Variants in KIF26A observed in about 807,000 individuals in gnomAD.
KIF26A encodes the protein kinesin family member 26A.
In KIF26A, 74 loss-of-function variants were observed where a neutral mutation model predicts 126.0. That is an observed-to-expected ratio of 0.59 (90% CI 0.49 to 0.71). KIF26A has a LOEUF of 0.71. KIF26A is among the 30% of genes least tolerant of loss of function. The pLI is 0.00. For missense variants in KIF26A, 2,984 were observed against 2,763.3 expected (o/e 1.08, Z -1.79); for synonymous variants, 1,445 against 1,232.7 (o/e 1.17, Z -3.61).
chr14:104,139,414 GC>G, intron 2 of KIF26A, 126 bp downstream of exon 2: 1 of 1,202,002 alleles, frequency 8.3e-7, no homozygotes, highest in Non-Finnish European at 1.1e-6. Flanking sequence ...AGAGTTATCA[GC>G]CAGGACTTCC....
intron 2 of KIF26A, among the ~76,000 whole-genome samples, chr14:104,145,547 C>T (rs949671929): frequency 6.6e-6 from 1 of 152,232 alleles, no homozygotes; most frequent in Non-Finnish European, 1.5e-5. Flanking sequence ...GTCGTGCTTG[C>T]GTCCCTCCTG....
intron 3 of KIF26A, among the ~76,000 whole-genome samples, chr14:104,156,140 A>G (rs2037775081): frequency 6.6e-6 from 1 of 152,100 alleles, no homozygotes; most frequent in Non-Finnish European, 1.5e-5. Flanking sequence ...GCTCAACCAG[A>G]CCCGGCTCTG....
intron 4 of KIF26A, among the ~76,000 whole-genome samples, chr14:104,161,514 T>G (rs748649503): frequency 9.9e-5 from 15 of 152,238 alleles, no homozygotes; most frequent in Non-Finnish European, 1.9e-4. Context: ...AAGGAAAATA[T>G]TTCCTTTTCT....
chr14:104,157,055 C>T (rs942537208), intron 3 of KIF26A, among the ~76,000 whole-genome samples: 13 of 152,090 alleles, frequency 8.5e-5, no homozygotes, highest in African/African-American at 2.7e-4. Flanking sequence ...GGGGTTGCAT[C>T]CCCCCACGCC....
intron 5 of KIF26A, among the ~76,000 whole-genome samples, chr14:104,170,125 C>G (rs2037943193): frequency 6.6e-6 from 1 of 152,218 alleles, no homozygotes; most frequent in Non-Finnish European, 1.5e-5. Flanking sequence ...GTGAGCCTCT[C>G]CACGCCACTC....
chr14:104,168,238 G>A (rs2037925109), intron 5 of KIF26A, among the ~76,000 whole-genome samples: 1 of 152,222 alleles, frequency 6.6e-6, no homozygotes, highest in Admixed American at 6.5e-5. Context: ...GGGAAGGGCT[G>A]TAAGTGACTG....
At chr14:104,144,906 C>T (rs564382667) in intron 2 of KIF26A, among the ~76,000 whole-genome samples, 84 of 152,310 alleles carry the variant, frequency 5.5e-4, no homozygotes, top group African/African-American at 7.9e-4. Flanking sequence ...TCCATGGAAG[C>T]GGAGCTTGTG....
intron 2 of KIF26A, among the ~76,000 whole-genome samples, chr14:104,150,838 C>T (rs749875631): frequency 6.6e-5 from 10 of 152,152 alleles, no homozygotes; most frequent in Middle Eastern, 3.2e-3. Context: ...GGGTGGTGTT[C>T]GGAAAGCCCT....
Position 104,175,736 on chromosome 14 carries a change from G to A in KIF26A, c.2948G>A (p.Gly983Asp). Residue 983 changes from glycine to aspartate, a missense_variant, in exon 12 of 15, where the codon GGC (glycine) becomes GAC (aspartate). Coordinates refer to ENST00000423312, the MANE Select transcript of KIF26A (RefSeq NM_015656.2). The stretch of plus-strand genomic sequence containing the variant: ...GGAGTGGCACGGACCCCTCCCGTGG[G>A]CATGAGTGGGCAGGTGGCTGGGTCC... ...TDGVARTPPVGMSGQVAGSPM... is the reference protein window; with the variant it reads ...TDGVARTPPVDMSGQVAGSPM... The A allele has an allele frequency of 1.3e-6, 2 of 1,555,904 alleles. No individual in the cohort carries two copies. The highest frequency in any genetic ancestry group is 2.4e-5 in the East Asian group (1 of 42,008).
At chr14:104,149,618 G>A (rs2037708928) in intron 2 of KIF26A, among the ~76,000 whole-genome samples, 1 of 151,864 alleles carries the variant, frequency 6.6e-6, no homozygotes, top group Non-Finnish European at 1.5e-5. Flanking sequence ...GGGGGCTTGG[G>A]TGGGGGCCAC....
rs528200093 is a variant in KIF26A at position 104,139,184 on chromosome 14, C to T, written c.184C>T (p.His62Tyr). ...CGCCGGGGCCGGCCCAGAGCAGGGC[C>T]ACTCGGCCGGCGGAGGCGGCTGGTG... ...EGAGAGPEQG[H>Y]SAGGGGWCRH... Residue 62 changes from histidine (H) to tyrosine (Y), a missense_variant, in exon 2 of 15, where the codon CAC becomes TAC. Physicochemically the swap from His to Tyr is moderately conservative, Grantham distance 83. Coordinates refer to ENST00000423312, the MANE Select transcript of KIF26A (RefSeq NM_015656.2). The T allele has an allele frequency of 2.5e-5, 38 of 1,546,208 alleles. No homozygotes were observed. In the South Asian group the frequency reaches 4.5e-4, roughly 18 times the overall value.
At chr14:104,140,998 CCTCCACTGTCT>C (rs2037632508) in intron 2 of KIF26A, among the ~76,000 whole-genome samples, 1 of 152,208 alleles carries the variant, frequency 6.6e-6, no homozygotes, top group Non-Finnish European at 1.5e-5. Context: ...AAGACCCCAT[CCTCCACTGTCT>C]CTCCACAGGG....
rs537707532 is a variant in KIF26A at position 104,159,938 on chromosome 14, C to T, written c.923+1996C>T. 8.1e-4 allele frequency among the ~76,000 whole-genome samples: 123 copies of T among 152,166 alleles called. 1 individual carries two copies. The highest frequency in any genetic ancestry group is 3.5e-4 in the Non-Finnish European group (24 of 67,980). ...GTGGGGCTGTGGCTCTGAGTGGGGA[C>T]GAGTCCACCAGGAGACAGTGGAGCT... On this transcript the variant is annotated intron_variant, in intron 4 of 14. Coordinates refer to ENST00000423312, the MANE Select transcript of KIF26A (RefSeq NM_015656.2).
Position 104,178,569 on chromosome 14 carries a change from G to T in KIF26A, c.5130G>T (p.Leu1710=), listed in dbSNP as rs1289689765. Residue 1710 remains leucine, a synonymous_variant, in exon 13 of 15, where the codon CTG becomes CTT. Coordinates refer to ENST00000423312, the MANE Select transcript of KIF26A (RefSeq NM_015656.2). The part of the protein sequence containing the change: ...KRATGLQRRR[L]IPAPLPDTTA... Reference sequence around the variant, plus strand: ...TTCCAGGTCTGCAGCGGCGGCGCCTGATTCCCGCCCCACTGCCCGACACCA... The same window carrying T: ...TTCCAGGTCTGCAGCGGCGGCGCCTTATTCCCGCCCCACTGCCCGACACCA... 1.3e-6 allele frequency: 2 copies of T among 1,482,772 alleles called. No homozygotes were observed. The highest frequency in any genetic ancestry group is 2.5e-5 in the East Asian group (1 of 39,288). The allele number at this position is 1,482,772 out of a possible 1,614,324, so 91.9% of individuals were successfully genotyped here. A position where few individuals can be genotyped will look rare whatever the true frequency, so the allele number is the denominator to read the frequency against.
At position 104,176,587 on chromosome 14, in the gene KIF26A, TC is replaced by T. The variant is rs1458694083; in HGVS notation, c.3805del (p.Arg1269GlyfsTer7). 4 of 1,607,750 alleles carry T rather than the reference TC, an allele frequency of 2.5e-6. No individual in the cohort carries two copies. The highest frequency in any genetic ancestry group is 1.7e-5 in the Admixed American group (1 of 59,970). ...AGRAPSPTLG[S>X]PRLPEAQVML... ...CAGGGCCCCCAGCCCCACACTTGGCTCCCCCCGGCTGCCTGAGGCCCAGGTG... is the reference window on the plus strand; with the variant it reads ...CAGGGCCCCCAGCCCCACACTTGGCTCCCCCGGCTGCCTGAGGCCCAGGTG... On this transcript the variant is annotated frameshift_variant, in exon 12 of 15. Transcript: ENST00000423312. LOFTEE classifies it high-confidence loss of function.
At chr14:104,146,526 A>T (rs1198532911) in intron 2 of KIF26A, among the ~76,000 whole-genome samples, 1 of 149,540 alleles carries the variant, frequency 6.7e-6, no homozygotes, top group Non-Finnish European at 1.5e-5. Context: ...GGCAGCGGGT[A>T]TGCAGAGGGT....
In KIF26A at chr14:104,167,031, C is replaced by A. The variant is rs780132587; in HGVS notation, c.1096C>A (p.Pro366Thr). Residue 366 changes from proline to threonine, a missense_variant, in exon 5 of 15, where the codon CCT (proline) becomes ACT (threonine). Physicochemically the swap from Pro to Thr is conservative, Grantham distance 38. Coordinates refer to ENST00000423312, the MANE Select transcript of KIF26A (RefSeq NM_015656.2). ...LRAASKTKDNPGSIGKVKVML... is the reference protein window; with the variant it reads ...LRAASKTKDNTGSIGKVKVML... ...GGCCGCCTCCAAGACCAAGGACAAC[C>A]CTGGCAGCATCGGGAAGGTAGACGC... 3.1e-5 allele frequency: 49 copies of A among 1,567,446 alleles called. No individual in the cohort carries two copies. Among genetic ancestry groups the A allele is most frequent in the Middle Eastern group, 3.4e-4 (2 of 5,852 alleles).
chr14:104,142,228 G>T (rs573355214), intron 2 of KIF26A, among the ~76,000 whole-genome samples: 9 of 152,270 alleles, frequency 5.9e-5, no homozygotes, highest in African/African-American at 1.9e-4. Flanking sequence ...TCCTGCCCCT[G>T]TTGGAGCCCC....
Position 104,157,805 on chromosome 14 carries a change from C to T in KIF26A, c.786C>T (p.Cys262=), listed in dbSNP as rs561757907. 1.1e-5 allele frequency: 18 copies of T among 1,608,534 alleles called. No homozygotes were observed. The South Asian group carries it at 1.8e-4, about 16-fold the overall frequency. Residue 262 remains cysteine (C), a synonymous_variant, in exon 4 of 15, where the codon TGC becomes TGT. Coordinates refer to ENST00000423312, the MANE Select transcript of KIF26A (RefSeq NM_015656.2). ...AVAVADTVRE[C]PPVAGPDGLS... ...CGGTGGCAGACACGGTCCGAGAATGCCCCCCCGTGGCCGGCCCTGATGGCT... is the reference window on the plus strand; with the variant it reads ...CGGTGGCAGACACGGTCCGAGAATGTCCCCCCGTGGCCGGCCCTGATGGCT...
Sources: gnomAD v4.1 joint callset for allele counts (sites outside exome capture counted in the v4.1 genomes callset) on GRCh38, gnomAD v4.1.1 for gene constraint, MANE v1.5 for transcripts, NCBI Gene and HGNC (gene_info 2026-07-23, HGNC 2026-07-21) for gene names.